The following LARGE1 variants were observed in gnomAD, a reference collection of about 807,000 sequenced individuals.
The protein encoded by LARGE1 is xylosyl- and glucuronyltransferase LARGE1.
In LARGE1, 43 loss-of-function variants were observed where a neutral mutation model predicts 87.6. That is an observed-to-expected ratio of 0.49 (90% CI 0.38 to 0.63). LARGE1 has a LOEUF of 0.63. Among genes scored for constraint, LARGE1 ranks in the 30% least tolerant of loss-of-function variants. The probability of loss-of-function intolerance (pLI) is 0.00; values close to 1 mark genes in which losing one functional copy is unlikely to be tolerated. For synonymous variants in LARGE1, 434 were observed against 394.6 expected, an observed-to-expected ratio of 1.10 and a Z score of -1.18; for missense variants, 802 against 1,000.2, an observed-to-expected ratio of 0.80 and a Z score of 2.67.
intron 9 of LARGE1, among the ~76,000 whole-genome samples, chr22:33,349,635 C>T (rs1163692512): frequency 6.6e-6 from 1 of 152,202 alleles, no homozygotes; most frequent in Non-Finnish European, 1.5e-5. Flanking sequence ...TGAAGCTTCC[C>T]TTTCATCCCC....
intron 2 of LARGE1, among the ~76,000 whole-genome samples, chr22:33,711,374 C>T (rs1396069993): frequency 6.6e-6 from 1 of 152,188 alleles, no homozygotes; most frequent in Non-Finnish European, 1.5e-5. Flanking sequence ...CTCTGCTATA[C>T]TACGCCTCAA....
chr22:33,412,120 C>G (rs2066325542), intron 7 of LARGE1, among the ~76,000 whole-genome samples: 1 of 152,110 alleles, frequency 6.6e-6, no homozygotes, highest in South Asian at 2.1e-4. Flanking sequence ...CCCGTCTCTA[C>G]TAAAAGTACA....
At chr22:33,534,260 C>T (rs773266259) in intron 6 of LARGE1, among the ~76,000 whole-genome samples, 11 of 151,952 alleles carry the variant, frequency 7.2e-5, no homozygotes, top group Non-Finnish European at 1.3e-4. Context: ...AAAAATTAGC[C>T]GGGCGTGGTG....
intron 1 of LARGE1, among the ~76,000 whole-genome samples, chr22:33,877,911 G>C (rs192308481): frequency 1.9e-3 from 294 of 151,712 alleles, no homozygotes; most frequent in Admixed American, 5.8e-3. Flanking sequence ...AACAGAGCGA[G>C]ACTCTGTCTC....
intron 12 of LARGE1, among the ~76,000 whole-genome samples, chr22:33,302,074 C>T (rs1934223033): frequency 6.6e-6 from 1 of 152,152 alleles, no homozygotes. Flanking sequence ...CCTGAAGCCT[C>T]TTTTCTTAGT....
chr22:33,416,906 C>CTTTTTTTTTTTTTTTTTTTTTTT (rs35018256), intron 7 of LARGE1, among the ~76,000 whole-genome samples: 4 of 90,174 alleles, frequency 4.4e-5, no homozygotes, highest in African/African-American at 2.3e-4. Context: ...CACGCCCGGA[C>CTTTTTTTTTTTTTTTTTTTTTTT]TTTTTTTTTT....
At chr22:33,161,699 G>T (rs1221966414), downstream of LARGE1, among the ~76,000 whole-genome samples, 2 of 152,208 alleles carry the variant, frequency 1.3e-5, no homozygotes, top group Non-Finnish European at 2.9e-5. Flanking sequence ...GCTGATGCAA[G>T]AGGTGGGCTT....
the LARGE1 span, among the ~76,000 whole-genome samples, chr22:33,139,032 C>A: frequency 6.6e-6 from 1 of 151,988 alleles, no homozygotes; most frequent in South Asian, 2.1e-4. Flanking sequence ...TGGGAGAGTC[C>A]CTGCACAAGT....
intron 10 of LARGE1, among the ~76,000 whole-genome samples, chr22:33,330,501 T>A (rs1937594159): frequency 1.3e-5 from 2 of 152,128 alleles, no homozygotes; most frequent in African/African-American, 4.8e-5. Context: ...TCTTGGATAT[T>A]CTTGAGGGGC....
chr22:33,401,441 T>C (rs571343708), intron 7 of LARGE1, among the ~76,000 whole-genome samples: 1 of 152,036 alleles, frequency 6.6e-6, no homozygotes, highest in Non-Finnish European at 1.5e-5. Flanking sequence ...TCTAGCCAGA[T>C]TGATGAGGAG....
intron 2 of LARGE1, among the ~76,000 whole-genome samples, chr22:33,728,571 A>AC (rs1331143562): frequency 4.7e-5 from 7 of 150,268 alleles, no homozygotes; most frequent in South Asian, 4.3e-4. Flanking sequence ...AAAAAAAAAA[A>AC]AAAAAAAACC....
chr22:33,475,747 A>G (rs1436708538), intron 6 of LARGE1, among the ~76,000 whole-genome samples: 1 of 152,148 alleles, frequency 6.6e-6, no homozygotes, highest in Admixed American at 6.5e-5. Flanking sequence ...TACAGGCGTG[A>G]GCCACCGCAC....
chr22:33,828,486 T>C (rs973039735), intron 1 of LARGE1, among the ~76,000 whole-genome samples: 1 of 152,230 alleles, frequency 6.6e-6, no homozygotes, highest in Non-Finnish European at 1.5e-5. Flanking sequence ...CAGCAGCAGC[T>C]TGTGGGAAGG....
intron 5 of LARGE1, among the ~76,000 whole-genome samples, chr22:33,600,937 C>T (rs1428757050): frequency 2.6e-5 from 4 of 152,012 alleles, no homozygotes; most frequent in African/African-American, 4.8e-5. Flanking sequence ...TGGTAGTGCA[C>T]GCCTATGGTC....
At chr22:33,120,400 TTCTTTCTTTCCTTCTTTCTTTCTTTC>T in the LARGE1 span, among the ~76,000 whole-genome samples, 142 of 98,820 alleles carry the variant, frequency 1.4e-3, no homozygotes, top group East Asian at 3.8e-3. Context: ...CTTTCTTTCT[TTCTTTCTTTCCTTCTTTCTTTCTTTC>T]TCTCTCTCTC....
rs567749927 is a variant in LARGE1 at position 33,529,243 on chromosome 22, T to C, written c.787+35605A>G. Among the ~76,000 whole-genome samples, 33 of 152,320 alleles carry C rather than the reference T, an allele frequency of 2.2e-4. 1 individual carries two copies. The highest frequency in any genetic ancestry group is 1.8e-3 in the Admixed American group (28 of 15,300). ...CCTGGCTCATCGCCTTTGAGGACCA[T>C]GATGGCCCCTTGCCTTGGCAGCCCA... On this transcript the variant is annotated intron_variant, in intron 6 of 14. Transcript: ENST00000397394.
intron 1 of LARGE1, among the ~76,000 whole-genome samples, chr22:33,894,326 A>C (rs1351365899): frequency 6.6e-6 from 1 of 152,204 alleles, no homozygotes; most frequent in African/African-American, 2.4e-5. Context: ...GGTGGATCCC[A>C]GACATCAGCA....
At chr22:33,574,920 G>C (rs1003685731) in intron 5 of LARGE1, among the ~76,000 whole-genome samples, 1 of 152,080 alleles carries the variant, frequency 6.6e-6, no homozygotes, top group Non-Finnish European at 1.5e-5. Context: ...TGAGCTAAGA[G>C]ATGTGATCTC....
chr22:33,615,490 A>G (rs561939175), intron 4 of LARGE1, among the ~76,000 whole-genome samples: 179 of 75,708 alleles, frequency 2.4e-3, no homozygotes, highest in African/African-American at 7.9e-3. Context: ...CACTGAAATA[A>G]TTTTTAAAAA....
Sources: gnomAD v4.1 joint callset for allele counts (sites outside exome capture counted in the v4.1 genomes callset) on GRCh38, gnomAD v4.1.1 for gene constraint, MANE v1.5 for transcripts, NCBI Gene and HGNC (gene_info 2026-07-23, HGNC 2026-07-21) for gene names.